GLIS3: variants seen among roughly 807,000 people sequenced by gnomAD.
GLIS3 encodes GLIS family zinc finger 3.
A neutral mutation model predicts 78.6 loss-of-function variants in GLIS3; 53 were observed. The observed-to-expected ratio is 0.67, with a 90% CI of 0.54 to 0.85. The LOEUF is 0.85. Ranked by LOEUF, GLIS3 falls within the 40% of genes least tolerant of loss-of-function variation. The pLI, the probability that GLIS3 is intolerant of heterozygous loss-of-function variation, is 0.00. For synonymous variants in GLIS3, 684 were observed against 509.9 expected (o/e 1.34, Z -4.60); for missense variants, 1,703 against 1,231.1 (o/e 1.38, Z -5.74).
intron 4 of GLIS3, among the ~76,000 whole-genome samples, chr9:4,022,704 A>G (rs1004861091): frequency 3.3e-5 from 5 of 152,204 alleles, no homozygotes; most frequent in African/African-American, 1.2e-4. Context: ...AAAATACAGT[A>G]TGCATCCACC....
chr9:4,176,270 G>C (rs1279491373), intron 2 of GLIS3, among the ~76,000 whole-genome samples: 6 of 152,128 alleles, frequency 3.9e-5, no homozygotes, highest in African/African-American at 1.4e-4. Flanking sequence ...TAATTTTAAA[G>C]TCAAAGAAGA....
chr9:3,910,728 C>T (rs550335333), intron 6 of GLIS3, among the ~76,000 whole-genome samples: 6 of 152,342 alleles, frequency 3.9e-5, no homozygotes, highest in African/African-American at 1.4e-4. Context: ...AGTATATTCA[C>T]TTTCCTGAGT....
intron 4 of GLIS3, among the ~76,000 whole-genome samples, chr9:4,019,126 G>C (rs1822666449): frequency 6.6e-6 from 1 of 152,082 alleles, no homozygotes; most frequent in Non-Finnish European, 1.5e-5. Flanking sequence ...GATGGGGTTA[G>C]GAATTAGATG....
rs531124576 is a variant in GLIS3 at position 4,266,544 on chromosome 9, C to T, written c.388+19494G>A. Among the ~76,000 whole-genome samples, 4 of 152,170 alleles carry T rather than the reference C, an allele frequency of 2.6e-5. No homozygotes were observed. The South Asian group carries it at 6.2e-4, about 24-fold the overall frequency. On this transcript the variant is annotated intron_variant, in intron 2 of 10. Transcript: ENST00000381971. The stretch of plus-strand genomic sequence containing the variant: ...GTACCACTGGTTCTTACTGCCCACC[C>T]TCTTCAGCATACACAAATATAGGCC...
chr9:3,879,480 G>A lies in GLIS3; in HGVS notation c.2244C>T (p.His748=), dbSNP rs753642886. The A allele has an allele frequency of 6.2e-7, 1 of 1,614,152 alleles. No individual in the cohort carries two copies. The highest frequency in any genetic ancestry group is 2.2e-5 in the East Asian group (1 of 44,880). ...SPGHNVQGSP[H]NPSSQLPPLT... ...GTGGAGGTAACTGGGAGGAGGGGTT[G>A]TGAGGGCTCCCCTGTACATTATGTC... is the stretch of plus-strand genomic sequence containing the variant. The change falls in exon 8 of 11, where the codon CAC becomes CAT. Residue 748 remains histidine, a synonymous_variant. Coordinates refer to ENST00000381971, the MANE Select transcript of GLIS3 (RefSeq NM_001042413.2).
the GLIS3 span, among the ~76,000 whole-genome samples, chr9:4,404,141 A>T: frequency 2.6e-5 from 4 of 152,246 alleles, no homozygotes; most frequent in African/African-American, 9.6e-5. Context: ...GTTATTAAAT[A>T]ATGACAAAGG....
At chr9:4,429,740 T>C in the GLIS3 span, among the ~76,000 whole-genome samples, 1 of 152,108 alleles carries the variant, frequency 6.6e-6, no homozygotes, top group Non-Finnish European at 1.5e-5. Flanking sequence ...ACAGAGTAAG[T>C]GCTCAACGTA....
At chr9:4,445,390 G>C in the GLIS3 span, among the ~76,000 whole-genome samples, 1 of 152,214 alleles carries the variant, frequency 6.6e-6, no homozygotes, top group Non-Finnish European at 1.5e-5. Context: ...ATTTGGGGAG[G>C]CTGAGGCTGG....
At chr9:3,885,668 A>T (rs1822028567) in intron 7 of GLIS3, among the ~76,000 whole-genome samples, 1 of 152,194 alleles carries the variant, frequency 6.6e-6, no homozygotes, top group South Asian at 2.1e-4. Context: ...CACTGAAAAG[A>T]ATGAGAAGCC....
intron 2 of GLIS3, among the ~76,000 whole-genome samples, chr9:4,245,526 G>A (rs16920986): frequency 0.017 from 2,557 of 152,298 alleles, 41 homozygotes; most frequent in Admixed American, 0.03. Flanking sequence ...TGAAAAATGC[G>A]AAGAGCTATA....
chr9:4,150,040 A>T (rs1219097338), intron 2 of GLIS3, among the ~76,000 whole-genome samples: 1 of 137,742 alleles, frequency 7.3e-6, no homozygotes, highest in African/African-American at 3.3e-5. Context: ...GCACGCATGC[A>T]CACATAAACA....
At chr9:4,463,167 C>T in the GLIS3 span, among the ~76,000 whole-genome samples, 3 of 152,208 alleles carry the variant, frequency 2.0e-5, no homozygotes, top group Non-Finnish European at 4.4e-5. Flanking sequence ...TTGTCACAAA[C>T]ACAGAATACA....
intron 4 of GLIS3, among the ~76,000 whole-genome samples, chr9:4,110,057 C>A (rs1831087738): frequency 6.6e-6 from 1 of 152,150 alleles, no homozygotes; most frequent in Non-Finnish European, 1.5e-5. Context: ...TTGTGAGCTC[C>A]CAAAGGGAAT....
At chr9:3,907,703 T>C (rs377494504) in intron 6 of GLIS3, among the ~76,000 whole-genome samples, 1 of 151,068 alleles carries the variant, frequency 6.6e-6, no homozygotes, top group East Asian at 2.0e-4. Flanking sequence ...TGCTGAGACG[T>C]TATGTTCCAG....
chr9:4,234,926 G>T (rs1453517604), intron 2 of GLIS3, among the ~76,000 whole-genome samples: 1 of 152,078 alleles, frequency 6.6e-6, no homozygotes, highest in East Asian at 1.9e-4. Flanking sequence ...ACTCAAAAAG[G>T]CATCGCCACA....
chr9:4,425,855 T>C, the GLIS3 span, among the ~76,000 whole-genome samples: 4 of 152,346 alleles, frequency 2.6e-5, no homozygotes, highest in East Asian at 7.7e-4. Context: ...CTTGTGAATC[T>C]GGAACTTAAA....
the GLIS3 span, among the ~76,000 whole-genome samples, chr9:4,461,875 C>A: frequency 6.6e-6 from 1 of 152,170 alleles, no homozygotes. Flanking sequence ...TCTGCGATTT[C>A]AGAGATCCTT....
At chr9:3,883,004 A>G (rs142454107) in intron 7 of GLIS3, among the ~76,000 whole-genome samples, 1 of 152,300 alleles carries the variant, frequency 6.6e-6, no homozygotes, top group East Asian at 1.9e-4. Flanking sequence ...CTTGTGACCA[A>G]GATGATGACC....
chr9:4,326,446 G>C (rs961457461), intron 2 of GLIS3, among the ~76,000 whole-genome samples: 2 of 152,102 alleles, frequency 1.3e-5, no homozygotes, highest in African/African-American at 4.8e-5. Flanking sequence ...AAGTGAAATA[G>C]TCACAAAAAA....
Sources: allele counts gnomAD v4.1 joint callset (sites outside exome capture counted in the v4.1 genomes callset), GRCh38; gene constraint gnomAD v4.1.1; transcripts MANE v1.5; gene names NCBI Gene and HGNC (gene_info 2026-07-23, HGNC 2026-07-21).